XRCC5: variants seen among roughly 807,000 people sequenced by gnomAD.
XRCC5 encodes DNA repair protein Ku80.
Under a neutral mutation model 95.7 loss-of-function variants are expected in XRCC5, and 12 were observed. The ratio of observed to expected loss-of-function variants is 0.13; its 90% confidence interval spans 0.08 to 0.20. The LOEUF (loss-of-function observed/expected upper bound fraction) is 0.20, where lower values mean the gene tolerates loss of function less well. XRCC5 is among the 10% of genes least tolerant of loss of function. XRCC5 has a pLI of 1.00. For synonymous variants in XRCC5, 281 were observed against 290.3 expected, an observed-to-expected ratio of 0.97 and a Z score of 0.33; for missense variants, 595 against 873.9, an observed-to-expected ratio of 0.68 and a Z score of 4.02.
At chr2:216,126,691 T>C (rs1696904716) in intron 7 of XRCC5, among the ~76,000 whole-genome samples, 2 of 152,124 alleles carry the variant, frequency 1.3e-5, no homozygotes, top group South Asian at 2.1e-4. Context: ...CAAAAACATG[T>C]TTTTATGTAT....
chr2:216,129,744 G>T (rs904522518), intron 8 of XRCC5, among the ~76,000 whole-genome samples: 3 of 152,204 alleles, frequency 2.0e-5, no homozygotes, highest in African/African-American at 7.2e-5. Context: ...TGTGATCTCA[G>T]CTCACTGCAA....
intron 16 of XRCC5, among the ~76,000 whole-genome samples, chr2:216,164,502 C>G (rs1169728201): frequency 1.3e-5 from 2 of 152,206 alleles, no homozygotes; most frequent in Non-Finnish European, 2.9e-5. Context: ...CCAGAATTTT[C>G]TGAGAGGATT....
intron 15 of XRCC5, 105 bp from the exon 16 acceptor site, chr2:216,161,874 T>C: frequency 1.1e-6 from 1 of 936,332 alleles, no homozygotes; most frequent in Non-Finnish European, 1.7e-6. Flanking sequence ...TCTTTGGTTT[T>C]ATTTTATAAG....
intron 16 of XRCC5, among the ~76,000 whole-genome samples, chr2:216,168,667 G>T (rs562567193): frequency 4.6e-5 from 7 of 152,130 alleles, no homozygotes; most frequent in Non-Finnish European, 7.4e-5. Context: ...AAAAATGAAA[G>T]CATGTTTGCT....
chr2:216,152,251 A>G, intron 14 of XRCC5, among the ~76,000 whole-genome samples: 1 of 152,160 alleles, frequency 6.6e-6, no homozygotes, highest in East Asian at 1.9e-4. Context: ...AGCCTGGCCA[A>G]CATGGTGAAA....
At chr2:216,168,571 G>A (rs207924) in intron 16 of XRCC5, among the ~76,000 whole-genome samples, 38,854 of 152,036 alleles carry the variant, frequency 0.26, 6,111 homozygotes, top group Non-Finnish European at 0.36. Flanking sequence ...CTGTCAATCT[G>A]TATCAGAATA....
Position 216,144,432 on chromosome 2 carries a change from A to C in XRCC5, c.1476+3113A>C, listed in dbSNP as rs1307536914. ...GTAATTAAAGAATTTTCAGTGGCCC[A>C]CTTGAAGGCTTAAGAGTTAAAGCAG... is the stretch of plus-strand genomic sequence containing the variant. On this transcript the variant is annotated intron_variant, in intron 13 of 20. Coordinates refer to ENST00000392132, the MANE Select transcript of XRCC5 (RefSeq NM_021141.4). 2.6e-5 allele frequency among the ~76,000 whole-genome samples: 4 copies of C among 152,196 alleles called. No individual in the cohort carries two copies. The East Asian group carries it at 5.8e-4, about 22-fold the overall frequency.
chr2:216,148,842 A>C (rs996027323), intron 14 of XRCC5, among the ~76,000 whole-genome samples: 2 of 152,210 alleles, frequency 1.3e-5, no homozygotes, highest in African/African-American at 4.8e-5. Flanking sequence ...CAAGCTTACA[A>C]CTGGCTATTA....
Position 216,194,968 on chromosome 2 carries a change from A to G in XRCC5, c.2091A>G (p.Thr697=), listed in dbSNP as rs1371422923. The G allele has an allele frequency of 6.2e-7, 1 of 1,614,200 alleles. No individual in the cohort carries two copies. The highest frequency in any genetic ancestry group is 8.5e-7 in the Non-Finnish European group (1 of 1,180,010). ...TKEEASGSSV[T]AEEAKKFLAP... ...AGGAAGCCTCTGGAAGTTCTGTCAC[A>G]GCTGAGGAAGCCAAAAAGGTATTGA... Residue 697 remains threonine (T), a synonymous_variant, in exon 19 of 21, where the codon ACA becomes ACG. Coordinates refer to ENST00000392132, the MANE Select transcript of XRCC5 (RefSeq NM_021141.4).
intron 16 of XRCC5, among the ~76,000 whole-genome samples, chr2:216,180,006 TGA>T (rs1018617600): frequency 7.9e-5 from 12 of 152,128 alleles, no homozygotes. Flanking sequence ...GTAGAGTGTG[TGA>T]GAGAGAAAAA....
intron 16 of XRCC5, among the ~76,000 whole-genome samples, chr2:216,181,105 G>T (rs904918795): frequency 8.5e-5 from 13 of 152,124 alleles, no homozygotes; most frequent in African/African-American, 3.1e-4. Flanking sequence ...GAACCACTGC[G>T]CCCGGCCTTG....
At chr2:216,184,719 G>A (rs1689461082) in intron 16 of XRCC5, among the ~76,000 whole-genome samples, 1 of 152,210 alleles carries the variant, frequency 6.6e-6, no homozygotes, top group Non-Finnish European at 1.5e-5. Flanking sequence ...GACCTCAGGT[G>A]ATCCGCCCGT....
chr2:216,197,948 C>A (rs1051945045), intron 19 of XRCC5, among the ~76,000 whole-genome samples: 1 of 152,144 alleles, frequency 6.6e-6, no homozygotes, highest in Non-Finnish European at 1.5e-5. Context: ...TACATCATAT[C>A]TAGATAATGG....
At chr2:216,138,704 C>A (rs1697127746) in intron 12 of XRCC5, among the ~76,000 whole-genome samples, 4 of 152,174 alleles carry the variant, frequency 2.6e-5, no homozygotes. Flanking sequence ...CTGCAAATGT[C>A]AGGGTCCTAT....
At chr2:216,155,744 CA>C (rs1375747198) in intron 14 of XRCC5, among the ~76,000 whole-genome samples, 2 of 152,166 alleles carry the variant, frequency 1.3e-5, no homozygotes, top group Non-Finnish European at 2.9e-5. Context: ...ACTTAAAAAG[CA>C]CATACATAAA....
chr2:216,131,129 T>C (rs1047370776), intron 9 of XRCC5, 142 bp downstream of exon 9: 5 of 1,414,862 alleles, frequency 3.5e-6, no homozygotes, highest in Non-Finnish European at 4.6e-6. Context: ...AATGTTGCCA[T>C]GGTATGTATT....
At chr2:216,199,175 A>C (rs1040606550) in intron 19 of XRCC5, among the ~76,000 whole-genome samples, 4 of 152,236 alleles carry the variant, frequency 2.6e-5, no homozygotes, top group African/African-American at 9.6e-5. Flanking sequence ...AGTCTATTTA[A>C]ATTCTTTTGA....
intron 17 of XRCC5, among the ~76,000 whole-genome samples, chr2:216,191,888 TAAATG>T (rs1559262739): frequency 6.6e-6 from 1 of 152,250 alleles, no homozygotes; most frequent in Non-Finnish European, 1.5e-5. Flanking sequence ...AGAATATTCA[TAAATG>T]AAATAATTTG....
At chr2:216,200,296 T>G (rs557432834) in intron 19 of XRCC5, among the ~76,000 whole-genome samples, 23 of 152,280 alleles carry the variant, frequency 1.5e-4, no homozygotes, top group African/African-American at 5.3e-4. Context: ...CTCCAAAGCT[T>G]AGTGAAGGAT....
Sources: gnomAD v4.1 joint callset for allele counts (sites outside exome capture counted in the v4.1 genomes callset) on GRCh38, gnomAD v4.1.1 for gene constraint, MANE v1.5 for transcripts, NCBI Gene and HGNC (gene_info 2026-07-23, HGNC 2026-07-21) for gene names.